Variants in ANK3 observed in about 807,000 individuals in gnomAD.
ANK3 encodes the protein ankyrin 3.
In ANK3, 57 loss-of-function variants were observed where a neutral mutation model predicts 370.9. That is an observed-to-expected ratio of 0.15 (90% confidence interval 0.12 to 0.19). The LOEUF is 0.19. Ranked by LOEUF, ANK3 falls within the 10% of genes least tolerant of loss-of-function variation. The pLI, the probability that ANK3 is intolerant of heterozygous loss-of-function variation, is 1.00. For synonymous variants in ANK3, 1,929 were observed against 1,946.3 expected (o/e 0.99, Z 0.23); for missense variants, 4,439 against 5,302.1 (o/e 0.84, Z 5.06).
chr10:60,369,816 C>A (rs538512913), intron 1 of ANK3, among the ~76,000 whole-genome samples: 1 of 152,174 alleles, frequency 6.6e-6, no homozygotes, highest in South Asian at 2.1e-4. Context: ...TTTATTTCTG[C>A]TAGAACTATT....
At chr10:60,429,846 C>G (rs924658484) in intron 2 of ANK3, among the ~76,000 whole-genome samples, 6 of 152,170 alleles carry the variant, frequency 3.9e-5, no homozygotes. Context: ...ATATATTATT[C>G]AGTAAGTCAT....
chr10:60,716,503 C>T (rs190662217), intron 1 of ANK3, among the ~76,000 whole-genome samples: 1 of 152,214 alleles, frequency 6.6e-6, no homozygotes, highest in East Asian at 1.9e-4. Flanking sequence ...TACAATCTCA[C>T]ACTCAATTTA....
chr10:60,081,988 A>G, intron 35 of ANK3, 162 bp downstream of exon 35: 1 of 471,124 alleles, frequency 2.1e-6, no homozygotes. Context: ...CGTGTGGAAG[A>G]AGAGTGAACC....
intron 23 of ANK3, among the ~76,000 whole-genome samples, chr10:60,165,616 C>T (rs759580016): frequency 6.6e-6 from 1 of 152,042 alleles, no homozygotes; most frequent in Non-Finnish European, 1.5e-5. Flanking sequence ...CAAGCTTTTC[C>T]ACTATTTAGG....
intron 5 of ANK3, 25 bp downstream of exon 5, chr10:60,270,106 C>A (rs974121347): frequency 1.4e-6 from 2 of 1,476,888 alleles, no homozygotes; most frequent in Non-Finnish European, 1.8e-6. Context: ...GTGAACTCAC[C>A]CACAGGAAAA....
At chr10:60,502,321 A>G (rs761032109) in intron 2 of ANK3, among the ~76,000 whole-genome samples, 4 of 152,292 alleles carry the variant, frequency 2.6e-5, no homozygotes, top group Non-Finnish European at 5.9e-5. Flanking sequence ...AAGCCCCTTG[A>G]TTGAAAACAC....
At chr10:60,058,095 T>C (rs1468904645) in intron 41 of ANK3, among the ~76,000 whole-genome samples, 2 of 152,222 alleles carry the variant, frequency 1.3e-5, no homozygotes, top group African/African-American at 4.8e-5. Context: ...TAATGCCTAG[T>C]GCTACTGAGA....
rs1357052575 is a variant in ANK3, at chr10:60,363,978, T to G, written c.114+25447A>C. 7.5e-3 allele frequency among the ~76,000 whole-genome samples: 1,104 copies of G among 146,450 alleles called. 8 individuals carry two copies. The highest frequency in any genetic ancestry group is 0.011 in the East Asian group (54 of 5,094). Reference sequence around the variant, plus strand: ...AAAGAGGAAGGAGAAGTGTTTTTTTTTTTTTTTTTTTTTTTTAACTTTAAG... The same window carrying G: ...AAAGAGGAAGGAGAAGTGTTTTTTTGTTTTTTTTTTTTTTTTAACTTTAAG... On this transcript the variant is annotated intron_variant, in intron 1 of 43. Coordinates refer to ENST00000280772, the MANE Select transcript of ANK3 (RefSeq NM_020987.5).
intron 2 of ANK3, among the ~76,000 whole-genome samples, chr10:60,600,639 T>C (rs1262842229): frequency 1.3e-5 from 2 of 152,102 alleles, no homozygotes; most frequent in Non-Finnish European, 2.9e-5. Context: ...CAAACCATGG[T>C]GAGAACATAG....
intron 2 of ANK3, among the ~76,000 whole-genome samples, chr10:60,405,790 T>C (rs898960082): frequency 6.6e-6 from 1 of 152,276 alleles, no homozygotes; most frequent in African/African-American, 2.4e-5. Flanking sequence ...TGACAGAATG[T>C]ATATAGGTAA....
chr10:60,522,186 T>C (rs980341975), intron 2 of ANK3, among the ~76,000 whole-genome samples: 2 of 152,026 alleles, frequency 1.3e-5, no homozygotes, highest in African/African-American at 2.4e-5. Flanking sequence ...TATCTAGTTA[T>C]CAGGAGTTGC....
rs187420811 is a variant in ANK3 at position 60,172,409 on chromosome 10, A to C, written c.2383-6T>G. 84 of 1,613,288 alleles carry C rather than the reference A, an allele frequency of 5.2e-5. No individual in the cohort carries two copies. In the African/African-American group the frequency reaches 9.5e-4, roughly 18 times the overall value. On this transcript the variant is annotated splice_polypyrimidine_tract_variant and splice_region_variant and intron_variant, in intron 20 of 43. Coordinates refer to ENST00000280772, the MANE Select transcript of ANK3 (RefSeq NM_020987.5). Reference sequence around the variant, plus strand: ...CCAAGGGCAGTATTCCCATTCTGGCAAAAGGAAAATGTGAGTGAGGAATTA... The same window carrying C: ...CCAAGGGCAGTATTCCCATTCTGGCCAAAGGAAAATGTGAGTGAGGAATTA...
intron 2 of ANK3, among the ~76,000 whole-genome samples, chr10:60,542,581 G>T (rs1447227354): frequency 1.3e-5 from 2 of 151,964 alleles, no homozygotes; most frequent in Admixed American, 6.6e-5. Flanking sequence ...AGAGCCATTT[G>T]ATCAATAAAG....
At chr10:60,349,880 T>G (rs895035883) in intron 1 of ANK3, among the ~76,000 whole-genome samples, 2 of 152,120 alleles carry the variant, frequency 1.3e-5, no homozygotes, top group African/African-American at 4.8e-5. Context: ...GAGGGAACAG[T>G]AAGACAAGAA....
chr10:60,227,664 C>T (rs972367415), intron 8 of ANK3, among the ~76,000 whole-genome samples: 1 of 151,886 alleles, frequency 6.6e-6, no homozygotes, highest in Non-Finnish European at 1.5e-5. Context: ...GTGTTCAAGT[C>T]CTCCAATTTT....
intron 2 of ANK3, among the ~76,000 whole-genome samples, chr10:60,416,574 G>A (rs1314201838): frequency 4.6e-5 from 7 of 152,188 alleles, no homozygotes; most frequent in Admixed American, 3.9e-4. Context: ...ACTGAGAAGT[G>A]TTACATTAGG....
chr10:60,103,350 G>A (rs1488498129), intron 28 of ANK3, among the ~76,000 whole-genome samples: 3 of 152,106 alleles, frequency 2.0e-5, no homozygotes, highest in African/African-American at 4.8e-5. Context: ...GTAGCAAAAT[G>A]GGAGGGGAAC....
At chr10:60,544,749 G>A (rs1446282959) in intron 2 of ANK3, among the ~76,000 whole-genome samples, 1 of 152,062 alleles carries the variant, frequency 6.6e-6, no homozygotes, top group Non-Finnish European at 1.5e-5. Context: ...TTTTGTTTGT[G>A]TTAATCTATT....
At chr10:60,153,063 C>T (rs1185367274) in intron 23 of ANK3, among the ~76,000 whole-genome samples, 2 of 152,158 alleles carry the variant, frequency 1.3e-5, no homozygotes, top group African/African-American at 4.8e-5. Flanking sequence ...CTTGAAACAA[C>T]CCACATTCTC....
Sources: allele counts gnomAD v4.1 joint callset (sites outside exome capture counted in the v4.1 genomes callset), GRCh38; gene constraint gnomAD v4.1.1; transcripts MANE v1.5; gene names NCBI Gene and HGNC (gene_info 2026-07-23, HGNC 2026-07-21).